The following GSE1 variants were observed in gnomAD, a reference collection of about 807,000 sequenced individuals.
GSE1 encodes genetic suppressor element 1.
A neutral mutation model predicts 112.6 loss-of-function variants in GSE1; 32 were observed. The observed-to-expected ratio is 0.28, with a 90% CI of 0.21 to 0.38. The LOEUF is 0.38. GSE1 is among the 10% of genes least tolerant of loss of function. The probability of loss-of-function intolerance (pLI) is 1.00; values close to 1 mark genes in which losing one functional copy is unlikely to be tolerated. For synonymous variants in GSE1, 1,115 were observed against 735.6 expected, an observed-to-expected ratio of 1.52 and a Z score of -8.35; for missense variants, 2,348 against 1,699.2, an observed-to-expected ratio of 1.38 and a Z score of -6.71.
intron 2 of GSE1, among the ~76,000 whole-genome samples, chr16:85,462,657 G>C (rs1157395225): frequency 7.2e-6 from 1 of 139,032 alleles, no homozygotes; most frequent in Non-Finnish European, 1.6e-5. Context: ...AGCGGAGGCT[G>C]CCCGGGGAGC....
At chr16:85,468,858 A>C (rs1364662054) in intron 2 of GSE1, among the ~76,000 whole-genome samples, 1 of 152,246 alleles carries the variant, frequency 6.6e-6, no homozygotes, top group East Asian at 1.9e-4. Flanking sequence ...GCCACCCCCA[A>C]AATTCACGTC....
At chr16:85,509,075 T>C (rs772937372) in intron 2 of GSE1, among the ~76,000 whole-genome samples, 1 of 152,086 alleles carries the variant, frequency 6.6e-6, no homozygotes, top group Non-Finnish European at 1.5e-5. Context: ...CCAGGTGGCC[T>C]CTGTAGAGAA....
At chr16:85,317,953 C>G (rs1195650039) in intron 1 of GSE1, among the ~76,000 whole-genome samples, 2 of 152,204 alleles carry the variant, frequency 1.3e-5, no homozygotes, top group African/African-American at 4.8e-5. Context: ...CTCAAAAGAA[C>G]TGGGAACATT....
chr16:85,466,028 G>A (rs2050111794), intron 2 of GSE1, among the ~76,000 whole-genome samples: 1 of 152,224 alleles, frequency 6.6e-6, no homozygotes, highest in Non-Finnish European at 1.5e-5. Flanking sequence ...TGGCAGCGGT[G>A]TGGACCCAGC....
At chr16:85,645,745 G>A (rs989064107) in intron 2 of GSE1, among the ~76,000 whole-genome samples, 47 of 152,344 alleles carry the variant, frequency 3.1e-4, no homozygotes, top group Non-Finnish European at 5.9e-4. Context: ...AACAGAAGTC[G>A]GGCAGGATGC....
At chr16:85,667,131 G>A (rs576689719) in intron 13 of GSE1, among the ~76,000 whole-genome samples, 3 of 152,126 alleles carry the variant, frequency 2.0e-5, no homozygotes, top group Non-Finnish European at 4.4e-5. Context: ...AGACTATACA[G>A]TGCTACTGAG....
intron 2 of GSE1, among the ~76,000 whole-genome samples, chr16:85,375,021 C>T (rs1175582997): frequency 6.6e-6 from 1 of 152,196 alleles, no homozygotes; most frequent in Non-Finnish European, 1.5e-5. Context: ...GATCCTGGCG[C>T]AGCCACTCGC....
intron 2 of GSE1, among the ~76,000 whole-genome samples, chr16:85,429,800 T>C (rs989384307): frequency 6.6e-6 from 1 of 152,206 alleles, no homozygotes; most frequent in African/African-American, 2.4e-5. Context: ...AGCCTCCACA[T>C]GGCCTCCTTC....
In GSE1 at chr16:85,454,528, G is replaced by GAGTT. The variant is rs373478999; in HGVS notation, c.2464+96886_2464+96889dup. Among the ~76,000 whole-genome samples the GAGTT allele has an allele frequency of 4.2e-3, 638 of 152,364 alleles. 3 individuals carry two copies. The highest frequency in any genetic ancestry group is 0.014 in the African/African-American group (591 of 41,592). ...CCAGGCTCCTGGGCAGATGCCGGAT[G>GAGTT]AGTTTCCCGGGGCTGCCATAATGAA... On this transcript the variant is annotated intron_variant, in intron 2 of 2. Coordinates refer to the GSE1 transcript ENST00000637419.
intron 1 of GSE1, among the ~76,000 whole-genome samples, chr16:85,216,640 G>A (rs1223287017): frequency 6.6e-6 from 1 of 152,176 alleles, no homozygotes; most frequent in East Asian, 1.9e-4. Flanking sequence ...GAGAAATTGA[G>A]GCACAGGGAG....
chr16:85,230,517 C>T (rs879664741), intron 1 of GSE1, among the ~76,000 whole-genome samples: 5 of 152,204 alleles, frequency 3.3e-5, no homozygotes, highest in Non-Finnish European at 7.3e-5. Flanking sequence ...CACTGGCTGT[C>T]TCTAGGCCTC....
At chr16:85,556,953 A>AATT (rs953827162) in intron 1 of GSE1, among the ~76,000 whole-genome samples, 3 of 151,666 alleles carry the variant, frequency 2.0e-5, no homozygotes, top group Non-Finnish European at 4.4e-5. Context: ...CTGTTTCCTT[A>AATT]ACCTTCCTGC....
chr16:85,598,105 A>G (rs552771392), intron 1 of GSE1, among the ~76,000 whole-genome samples: 5 of 151,264 alleles, frequency 3.3e-5, no homozygotes, highest in African/African-American at 1.2e-4. Context: ...ATCTGCAAAA[A>G]TCAGTGTGCA....
chr16:85,571,222 G>A (rs1262736675), intron 1 of GSE1, among the ~76,000 whole-genome samples: 2 of 152,202 alleles, frequency 1.3e-5, no homozygotes, highest in Non-Finnish European at 2.9e-5. Flanking sequence ...CCAAGGCCCG[G>A]GCGGCATCAG....
intron 1 of GSE1, among the ~76,000 whole-genome samples, chr16:85,356,278 G>T (rs1432541670): frequency 6.6e-6 from 1 of 152,262 alleles, no homozygotes. Flanking sequence ...GTGCACGCAG[G>T]ATGGAGAGGC....
chr16:85,510,927 T>G (rs1460559460), intron 2 of GSE1, among the ~76,000 whole-genome samples: 1 of 152,252 alleles, frequency 6.6e-6, no homozygotes, highest in East Asian at 1.9e-4. Flanking sequence ...GCAGCCAACC[T>G]TGACCACTCT....
intron 2 of GSE1, among the ~76,000 whole-genome samples, chr16:85,362,777 G>A (rs1429358239): frequency 6.6e-6 from 1 of 151,886 alleles, no homozygotes; most frequent in Non-Finnish European, 1.5e-5. Context: ...TGCCACGTGG[G>A]CCCTGGGTAT....
chr16:85,252,320 A>ACTATCTCCATGCGATCAC (rs1332142870), intron 1 of GSE1, among the ~76,000 whole-genome samples: 1 of 152,192 alleles, frequency 6.6e-6, no homozygotes, highest in Non-Finnish European at 1.5e-5. Context: ...TGGACCTGTC[A>ACTATCTCCATGCGATCAC]CTGTAGCTCA....
chr16:85,249,392 C>T (rs1052244518), intron 1 of GSE1, among the ~76,000 whole-genome samples: 3 of 152,226 alleles, frequency 2.0e-5, no homozygotes, highest in Admixed American at 6.5e-5. Flanking sequence ...GAGGCCCAGT[C>T]GGGCCAGCAC....
Sources: gnomAD v4.1 joint callset for allele counts (sites outside exome capture counted in the v4.1 genomes callset) on GRCh38, gnomAD v4.1.1 for gene constraint, MANE v1.5 for transcripts, NCBI Gene and HGNC (gene_info 2026-07-23, HGNC 2026-07-21) for gene names.